Variants in FAM227A observed in about 807,000 individuals in gnomAD.
FAM227A encodes protein FAM227A.
A neutral mutation model predicts 74.7 loss-of-function variants in FAM227A; 80 were observed. The ratio of observed to expected loss-of-function variants is 1.07; its 90% CI spans 0.89 to 1.29. FAM227A has a LOEUF of 1.29. Ranked by LOEUF, FAM227A falls within the 50% of genes most tolerant of loss-of-function variation. FAM227A has a pLI of 0.00. For synonymous variants in FAM227A, 237 were observed against 241.8 expected (o/e 0.98, Z 0.19); for missense variants, 654 against 683.4 (o/e 0.96, Z 0.48).
chr22:38,626,536 C>T lies in FAM227A; in HGVS notation c.727-233G>A, dbSNP rs570917702. On this transcript the variant is annotated intron_variant, in intron 8 of 16. Coordinates refer to ENST00000535113, the MANE Select transcript of FAM227A (RefSeq NM_001013647.2). ...CTGGGAATAGAGGTGTGTACCACTG[C>T]ACTTGGCTATACTCTTTAATTTACA... is the stretch of plus-strand genomic sequence containing the variant. Among the ~76,000 whole-genome samples, 50 of 151,820 alleles carry T rather than the reference C, an allele frequency of 3.3e-4. 1 individual carries two copies. The highest frequency in any genetic ancestry group is 1.1e-3 in the African/African-American group (46 of 41,396).
chr22:38,579,177 C>T lies in FAM227A; in HGVS notation c.*6948G>A, dbSNP rs1197877884. On this transcript the variant is annotated 3_prime_UTR_variant, in exon 17 of 17. Transcript: ENST00000535113. ...GTACACATAGGAGCAGCAACTAAGCCAGACATAGAGCACACTTCAGCCATT... is the reference window on the plus strand; with the variant it reads ...GTACACATAGGAGCAGCAACTAAGCTAGACATAGAGCACACTTCAGCCATT... The T allele has an allele frequency of 6.6e-6, 1 of 152,172 alleles. No homozygotes were observed. Among genetic ancestry groups the T allele is most frequent in the African/African-American group, 2.4e-5 (1 of 41,444 alleles). The allele number at this position is 152,172 out of a possible 1,614,324, so 9.4% of individuals were successfully genotyped here. A position where few individuals can be genotyped will look rare whatever the true frequency, so the allele number is the denominator to read the frequency against.
At chr22:38,640,003 G>T (rs1018630623) in intron 3 of FAM227A, among the ~76,000 whole-genome samples, 7 of 151,832 alleles carry the variant, frequency 4.6e-5, no homozygotes, top group Admixed American at 2.0e-4. Flanking sequence ...TAATCTCTTT[G>T]TAAAAGGGGG....
At chr22:38,592,405 T>C (rs1015472906) in intron 15 of FAM227A, among the ~76,000 whole-genome samples, 3 of 152,236 alleles carry the variant, frequency 2.0e-5, no homozygotes, top group African/African-American at 7.2e-5. Context: ...ATATAAGCTA[T>C]AAACTTAATC....
chr22:38,651,720 C>T (rs928498508), intron 1 of FAM227A, among the ~76,000 whole-genome samples: 1 of 152,018 alleles, frequency 6.6e-6, no homozygotes, highest in African/African-American at 2.4e-5. Context: ...GTTTTTACTG[C>T]CATTACTTGG....
At chr22:38,601,831 C>T (rs1035224761) in intron 13 of FAM227A, among the ~76,000 whole-genome samples, 1 of 152,056 alleles carries the variant, frequency 6.6e-6, no homozygotes, top group African/African-American at 2.4e-5. Context: ...GTCAGCTGCT[C>T]AGGTGGGACA....
chr22:38,599,938 A>C lies in FAM227A; in HGVS notation c.1222-17T>G. On this transcript the variant is annotated splice_polypyrimidine_tract_variant and intron_variant, in intron 13 of 16. Coordinates refer to ENST00000535113, the MANE Select transcript of FAM227A (RefSeq NM_001013647.2). ...AGCACACGACTAAGGATGAAAGAAA[A>C]AGGAAAAATAAAGGATATTGTCATT... 1 of 1,526,276 alleles carries C rather than the reference A, an allele frequency of 6.6e-7. No individual in the cohort carries two copies. Among genetic ancestry groups the C allele is most frequent in the Non-Finnish European group, 8.8e-7 (1 of 1,136,852 alleles). 94.5% of individuals were successfully genotyped at this position (1,526,276 alleles called of 1,614,324 possible).
Position 38,586,183 on chromosome 22 carries a change from TCTC to T in FAM227A, c.1652_1654del (p.Gly551del), listed in dbSNP as rs1340451036. The T allele has an allele frequency of 6.4e-7, 1 of 1,551,724 alleles. No individual in the cohort carries two copies. The highest frequency in any genetic ancestry group is 1.4e-5 in the African/African-American group (1 of 73,166). On this transcript the variant is annotated inframe_deletion, in exon 17 of 17. Coordinates refer to ENST00000535113, the MANE Select transcript of FAM227A (RefSeq NM_001013647.2). The stretch of plus-strand genomic sequence containing the variant: ...AACTTCTGTTTCTCTTCTCTTTCCC[TCTC>T]CTCCTTTCCCCTCCTGTGGGGGAAA...
At chr22:38,635,465 C>T (rs1226545816) in intron 6 of FAM227A, among the ~76,000 whole-genome samples, 3 of 151,954 alleles carry the variant, frequency 2.0e-5, no homozygotes, top group Non-Finnish European at 2.9e-5. Context: ...GTACAGTGGC[C>T]GAGACCATTT....
chr22:38,650,695 A>T (rs5757204), intron 1 of FAM227A, among the ~76,000 whole-genome samples: 5 of 151,872 alleles, frequency 3.3e-5, no homozygotes, highest in Non-Finnish European at 7.4e-5. Context: ...TTCTAGAATA[A>T]GGGGTCCATC....
intron 3 of FAM227A, among the ~76,000 whole-genome samples, chr22:38,645,130 G>A (rs937977047): frequency 6.6e-6 from 1 of 151,990 alleles, no homozygotes; most frequent in African/African-American, 2.4e-5. Context: ...GGTGGCTCAC[G>A]CCTGTAATCC....
At chr22:38,600,069 C>CA (rs2091139504) in intron 13 of FAM227A, 148 bp from the exon 14 acceptor site, 2 of 721,582 alleles carry the variant, frequency 2.8e-6, no homozygotes, top group Non-Finnish European at 4.3e-6. Flanking sequence ...CAAAATAAAG[C>CA]AAAAAAAGGT....
rs1302357941 is a variant in FAM227A at position 38,578,216 on chromosome 22, A to G, written c.*7909T>C. 6.6e-6 allele frequency: 1 copy of G among 152,156 alleles called. No individual in the cohort carries two copies. Among genetic ancestry groups the G allele is most frequent in the African/African-American group, 2.4e-5 (1 of 41,426 alleles). 9.4% of individuals were successfully genotyped at this position (152,156 alleles called of 1,614,324 possible). A position where few individuals can be genotyped will look rare whatever the true frequency, so the allele number is the denominator to read the frequency against. ...CAGTACATTTGTTCACACCAACATC[A>G]CCACAAACACGTGACTAATGCGTTA... On this transcript the variant is annotated 3_prime_UTR_variant, in exon 17 of 17. Transcript: ENST00000535113.
At chr22:38,633,521 T>C (rs558363561) in intron 6 of FAM227A, among the ~76,000 whole-genome samples, 8 of 152,116 alleles carry the variant, frequency 5.3e-5, no homozygotes, top group African/African-American at 1.9e-4. Context: ...ATAGAAGAAG[T>C]AAAAGGAAGA....
At chr22:38,636,367 A>G in intron 6 of FAM227A, 84 bp downstream of exon 6, 1 of 1,431,576 alleles carries the variant, frequency 7.0e-7, no homozygotes. Flanking sequence ...TGAGTTCCTC[A>G]GTTTCTCCTG....
Position 38,615,187 on chromosome 22 carries a change from T to A in FAM227A, c.1038+5025A>T, listed in dbSNP as rs146841456. ...ATAGGCACGCACTGCCACGCCCAAC[T>A]AATTTATGTATTTTTAGTAGAGATG... On this transcript the variant is annotated intron_variant, in intron 11 of 16. Transcript: ENST00000535113. Among the ~76,000 whole-genome samples the A allele has an allele frequency of 1.7e-3, 258 of 152,268 alleles. 4 individuals carry two copies. Among genetic ancestry groups the A allele is most frequent in the Admixed American group, 0.012 (184 of 15,290 alleles).
At chr22:38,626,891 A>AAAAAAAATATATATATAT (rs1555966996) in intron 8 of FAM227A, among the ~76,000 whole-genome samples, 10 of 57,686 alleles carry the variant, frequency 1.7e-4, no homozygotes, top group Non-Finnish European at 2.9e-4. Flanking sequence ...AAAAAAAAAA[A>AAAAAAAATATATATATAT]ATATATATAT....
intron 3 of FAM227A, among the ~76,000 whole-genome samples, chr22:38,641,974 TGCGC>T (rs1188378079): frequency 6.8e-6 from 1 of 146,012 alleles, no homozygotes; most frequent in Non-Finnish European, 1.5e-5. Flanking sequence ...TGTGTGTGTG[TGCGC>T]ACGTGTGTGT....
At chr22:38,650,552 A>T (rs1166818721) in intron 1 of FAM227A, among the ~76,000 whole-genome samples, 3 of 152,054 alleles carry the variant, frequency 2.0e-5, no homozygotes, top group African/African-American at 7.2e-5. Context: ...GCTCCAGACT[A>T]CTCCAGACCA....
intron 11 of FAM227A, 57 bp from the exon 12 acceptor site, chr22:38,607,533 A>T: frequency 8.3e-7 from 1 of 1,207,576 alleles, no homozygotes; most frequent in Non-Finnish European, 1.2e-6. Context: ...AGAACAAAAT[A>T]AAATTGGCAG....
Sources: allele counts gnomAD v4.1 joint callset (sites outside exome capture counted in the v4.1 genomes callset), GRCh38; gene constraint gnomAD v4.1.1; transcripts MANE v1.5; gene names NCBI Gene and HGNC (gene_info 2026-07-23, HGNC 2026-07-21).